The following GRID2 variants were observed in gnomAD, a reference collection of about 807,000 sequenced individuals.
GRID2 encodes glutamate receptor ionotropic, delta-2.
A neutral mutation model predicts 114.8 loss-of-function variants in GRID2; 33 were observed. The ratio of observed to expected loss-of-function variants is 0.29; its 90% confidence interval spans 0.22 to 0.38. GRID2 has a LOEUF of 0.38. GRID2 is among the 10% of genes least tolerant of loss of function. The probability of loss-of-function intolerance (pLI) is 1.00; values close to 1 mark genes in which losing one functional copy is unlikely to be tolerated. For synonymous variants in GRID2, 505 were observed against 449.9 expected, an observed-to-expected ratio of 1.12 and a Z score of -1.55; for missense variants, 1,184 against 1,257.7, an observed-to-expected ratio of 0.94 and a Z score of 0.89.
intron 15 of GRID2, 129 bp downstream of exon 15, chr4:93,769,579 A>T (rs1283992928): frequency 1.3e-6 from 1 of 774,966 alleles, no homozygotes; most frequent in African/African-American, 1.7e-5. Flanking sequence ...GATTAAAAAT[A>T]AAGTTGTGAA....
At chr4:93,707,057 C>G (rs930779095) in intron 14 of GRID2, among the ~76,000 whole-genome samples, 1 of 152,072 alleles carries the variant, frequency 6.6e-6, no homozygotes, top group African/African-American at 2.4e-5. Context: ...ATATATCCCA[C>G]TTGGTCATGA....
intron 2 of GRID2, among the ~76,000 whole-genome samples, chr4:92,783,905 A>T (rs1335713070): frequency 6.6e-6 from 1 of 151,988 alleles, no homozygotes; most frequent in Non-Finnish European, 1.5e-5. Context: ...AAAAAAGTCT[A>T]TAACTTCAAC....
intron 1 of GRID2, among the ~76,000 whole-genome samples, chr4:92,325,207 A>G (rs1726530740): frequency 1.3e-5 from 2 of 151,894 alleles, no homozygotes; most frequent in South Asian, 4.1e-4. Context: ...ATTTTACCCA[A>G]ATTTTAGCAC....
rs72659536 is a variant in GRID2, at chr4:93,790,734, T to C, written c.222-15981T>C. ...GAAAGAACATACAATGTTAAATGTT[T>C]TTAGAAGATCCTGAGAGAACAAAGT... On this transcript the variant is annotated intron_variant, in intron 1 of 1. Transcript: ENST00000637838. Among the ~76,000 whole-genome samples the C allele has an allele frequency of 3.5e-3, 540 of 152,296 alleles. 2 individuals carry two copies. Among genetic ancestry groups the C allele is most frequent in the Non-Finnish European group, 6.1e-3 (413 of 68,026 alleles).
At chr4:93,380,064 C>T (rs1210765207) in intron 8 of GRID2, among the ~76,000 whole-genome samples, 1 of 152,056 alleles carries the variant, frequency 6.6e-6, no homozygotes, top group Non-Finnish European at 1.5e-5. Flanking sequence ...GAACTAATCC[C>T]TGGAACATGT....
chr4:93,279,802 C>T (rs1752465135), intron 8 of GRID2, among the ~76,000 whole-genome samples: 1 of 151,832 alleles, frequency 6.6e-6, no homozygotes, highest in Admixed American at 6.6e-5. Flanking sequence ...AAAACAGAGT[C>T]ACATTAAATT....
intron 2 of GRID2, among the ~76,000 whole-genome samples, chr4:92,932,128 A>G (rs191424065): frequency 6.6e-6 from 1 of 151,476 alleles, no homozygotes; most frequent in Non-Finnish European, 1.5e-5. Context: ...ATGAATAGAT[A>G]AGAAAAAGAG....
At chr4:93,009,668 GTTGT>G (rs1436670940) in intron 2 of GRID2, among the ~76,000 whole-genome samples, 3 of 151,884 alleles carry the variant, frequency 2.0e-5, no homozygotes, top group Admixed American at 6.6e-5. Context: ...ATTTTTTATT[GTTGT>G]TTGTTTGTTT....
intron 14 of GRID2, among the ~76,000 whole-genome samples, chr4:93,699,577 A>G (rs2110135570): frequency 6.6e-6 from 1 of 152,214 alleles, no homozygotes; most frequent in Middle Eastern, 3.4e-3. Flanking sequence ...CAAAGGTCAC[A>G]TAGCTAGCTA....
intron 14 of GRID2, among the ~76,000 whole-genome samples, chr4:93,683,843 C>G (rs767613618): frequency 6.6e-6 from 1 of 152,060 alleles, no homozygotes; most frequent in Non-Finnish European, 1.5e-5. Context: ...ATAAAACCAA[C>G]ACAATTGTGG....
At chr4:92,725,354 G>A (rs889249997) in intron 2 of GRID2, among the ~76,000 whole-genome samples, 1 of 152,078 alleles carries the variant, frequency 6.6e-6, no homozygotes, top group Non-Finnish European at 1.5e-5. Context: ...AAATTGGAGA[G>A]TCTAACATCC....
At chr4:93,611,408 G>A (rs1206122922) in intron 13 of GRID2, among the ~76,000 whole-genome samples, 3 of 80,342 alleles carry the variant, frequency 3.7e-5, no homozygotes, top group African/African-American at 1.7e-4. Flanking sequence ...TGTGATGTTA[G>A]GGTGTCAATT....
intron 2 of GRID2, among the ~76,000 whole-genome samples, chr4:92,917,167 A>G (rs1205560682): frequency 6.6e-6 from 1 of 152,146 alleles, no homozygotes; most frequent in East Asian, 1.9e-4. Flanking sequence ...TCTTTTGAGA[A>G]GTGTCTGTTC....
chr4:92,899,795 CAAT>C (rs1189124934), intron 2 of GRID2, among the ~76,000 whole-genome samples: 2 of 152,044 alleles, frequency 1.3e-5, no homozygotes, highest in Non-Finnish European at 2.9e-5. Context: ...AGAGAGAGAA[CAAT>C]AATAGCAATA....
intron 4 of GRID2, among the ~76,000 whole-genome samples, chr4:93,201,772 A>C (rs949441883): frequency 6.6e-6 from 1 of 152,174 alleles, no homozygotes; most frequent in African/African-American, 2.4e-5. Context: ...GTTGTGTTAT[A>C]TTTAGCACAT....
chr4:92,880,408 A>T (rs1382324217), intron 2 of GRID2, among the ~76,000 whole-genome samples: 1 of 152,180 alleles, frequency 6.6e-6, no homozygotes, highest in South Asian at 2.1e-4. Flanking sequence ...CAGTGAACAA[A>T]TTTTTTTCCA....
At chr4:93,394,769 A>G (rs1367394889) in intron 8 of GRID2, among the ~76,000 whole-genome samples, 2 of 152,036 alleles carry the variant, frequency 1.3e-5, no homozygotes, top group Admixed American at 6.6e-5. Context: ...CAAGATGTGC[A>G]TTACAACATT....
intron 1 of GRID2, among the ~76,000 whole-genome samples, chr4:92,554,413 T>A (rs1377194417): frequency 2.6e-5 from 4 of 152,188 alleles, no homozygotes; most frequent in African/African-American, 9.6e-5. Flanking sequence ...CTGTTCCGAG[T>A]ATAAAGCTTG....
At chr4:93,678,581 A>G (rs1289289011) in intron 14 of GRID2, among the ~76,000 whole-genome samples, 3 of 152,304 alleles carry the variant, frequency 2.0e-5, no homozygotes, top group South Asian at 2.1e-4. Flanking sequence ...CAGATCTCTC[A>G]GCAGAAACTC....
Sources: gnomAD v4.1 joint callset for allele counts (sites outside exome capture counted in the v4.1 genomes callset) on GRCh38, gnomAD v4.1.1 for gene constraint, MANE v1.5 for transcripts, NCBI Gene and HGNC (gene_info 2026-07-23, HGNC 2026-07-21) for gene names.